MGLL: variants seen among roughly 807,000 people sequenced by gnomAD.
The protein encoded by MGLL is lysophospholipase homolog.
MGLL carries 7 observed loss-of-function variants against 29.1 expected under a neutral mutation model. The ratio of observed to expected loss-of-function variants is 0.24; its 90% CI spans 0.14 to 0.45. MGLL has a LOEUF of 0.45. MGLL is among the 20% of genes least tolerant of loss of function. The pLI is 0.99. For missense variants in MGLL, 356 were observed against 413.6 expected (o/e 0.86, Z 1.21); for synonymous variants, 148 against 168.3 (o/e 0.88, Z 0.93).
chr3:127,798,922 C>G (rs914474004), intron 2 of MGLL, among the ~76,000 whole-genome samples: 1 of 152,094 alleles, frequency 6.6e-6, no homozygotes, highest in Non-Finnish European at 1.5e-5. Context: ...GGAGAGCACC[C>G]GAGGGAAGCT....
At chr3:127,742,505 G>T (rs1348202512) in intron 3 of MGLL, among the ~76,000 whole-genome samples, 1 of 145,956 alleles carries the variant, frequency 6.9e-6, no homozygotes, top group South Asian at 2.2e-4. Context: ...CAGGAGACTC[G>T]CTTGAGCCCA....
At chr3:127,800,448 A>C (rs2077455801) in intron 2 of MGLL, among the ~76,000 whole-genome samples, 1 of 152,214 alleles carries the variant, frequency 6.6e-6, no homozygotes, top group Non-Finnish European at 1.5e-5. Flanking sequence ...AGTTTGGGCA[A>C]GTTGCTGAAC....
chr3:127,817,323 G>A (rs756461106), intron 2 of MGLL, among the ~76,000 whole-genome samples: 18 of 152,194 alleles, frequency 1.2e-4, no homozygotes, highest in South Asian at 6.2e-4. Flanking sequence ...CATCAGCGAG[G>A]GAGGGACAAT....
chr3:127,694,941 CT>C, intron 7 of MGLL, 33 bp downstream of exon 7: 1 of 1,601,634 alleles, frequency 6.2e-7, no homozygotes, highest in South Asian at 1.1e-5. Context: ...CCCCCTCCAC[CT>C]TGGGGGGAAG....
intron 2 of MGLL, among the ~76,000 whole-genome samples, chr3:127,807,551 A>C (rs1174994954): frequency 6.6e-6 from 1 of 151,834 alleles, no homozygotes; most frequent in East Asian, 1.9e-4. Flanking sequence ...TATTAAGGTG[A>C]AAAGATATTT....
chr3:127,716,085 C>T (rs1159188962), intron 5 of MGLL, among the ~76,000 whole-genome samples: 2 of 152,198 alleles, frequency 1.3e-5, no homozygotes, highest in East Asian at 1.9e-4. Context: ...CAGCTCAACC[C>T]AGACCCCAGG....
At chr3:127,726,190 A>AAAGAAAGAAAGAAAGAAAAG (rs1553758469) in intron 3 of MGLL, among the ~76,000 whole-genome samples, 8 of 74,316 alleles carry the variant, frequency 1.1e-4, no homozygotes, top group African/African-American at 1.6e-4. Context: ...GAAAGAAAAG[A>AAAGAAAGAAAGAAAGAAAAG]AAAGAAAGAA....
At chr3:127,743,663 G>A (rs1301908584) in intron 3 of MGLL, among the ~76,000 whole-genome samples, 2 of 150,836 alleles carry the variant, frequency 1.3e-5, no homozygotes, top group African/African-American at 4.9e-5. Context: ...GGCCGGAGAG[G>A]CAATGTGTTA....
chr3:127,703,629 T>C lies in MGLL; in HGVS notation c.600+6947A>G, dbSNP rs960976918. On this transcript the variant is annotated intron_variant, in intron 6 of 7. Transcript: ENST00000265052. The stretch of plus-strand genomic sequence containing the variant: ...AAAACAAGGTATCCACTTCATGACA[T>C]TGGATTTGGCAACAACTTCTTGGAT... 2.6e-5 allele frequency among the ~76,000 whole-genome samples: 4 copies of C among 152,260 alleles called. No individual in the cohort carries two copies. The South Asian group carries it at 6.2e-4, about 24-fold the overall frequency.
At chr3:127,805,891 C>T (rs2077556734) in intron 2 of MGLL, among the ~76,000 whole-genome samples, 1 of 152,204 alleles carries the variant, frequency 6.6e-6, no homozygotes, top group East Asian at 1.9e-4. Context: ...TCGTTTCCTG[C>T]CCCTTTCCAA....
intron 3 of MGLL, among the ~76,000 whole-genome samples, chr3:127,769,601 A>G (rs2076916005): frequency 6.6e-6 from 1 of 152,180 alleles, no homozygotes. Context: ...GGTCTTCTCC[A>G]GGTCCAGGGA....
intron 3 of MGLL, among the ~76,000 whole-genome samples, chr3:127,775,858 C>T (rs1385850720): frequency 6.6e-6 from 1 of 152,220 alleles, no homozygotes; most frequent in Non-Finnish European, 1.5e-5. Flanking sequence ...CGCAGCAGCG[C>T]CTCCTGGGTG....
rs375488233 is a variant in MGLL at position 127,721,135 on chromosome 3, G to A, written c.428C>T (p.Ala143Val). ...GCCGGCGAAGTGGCCCGGCCTCTCT[G>A]CGGCCGTGAGGATGGCGATGGCGCC... ...MGGAIAILTA[A>V]ERPGHFAGMV... The change falls in exon 5 of 8, where the codon GCA (alanine) becomes GTA (valine). Residue 143 changes from alanine to valine, a missense_variant. By Grantham distance (64) the Ala-to-Val change is moderately conservative. Transcript: ENST00000265052. 5 of 1,614,080 alleles carry A rather than the reference G, an allele frequency of 3.1e-6. No individual in the cohort carries two copies. Among genetic ancestry groups the A allele is most frequent in the Admixed American group, 1.7e-5 (1 of 60,002 alleles).
intron 2 of MGLL, among the ~76,000 whole-genome samples, chr3:127,789,358 A>G (rs1296089243): frequency 1.3e-5 from 2 of 152,236 alleles, no homozygotes; most frequent in African/African-American, 2.4e-5. Flanking sequence ...TGGGAACACA[A>G]TGGGAATTAG....
intron 3 of MGLL, among the ~76,000 whole-genome samples, chr3:127,739,206 C>T (rs2076293284): frequency 6.6e-6 from 1 of 152,166 alleles, no homozygotes; most frequent in African/African-American, 2.4e-5. Context: ...AGATCAAATC[C>T]GGATCCACCA....
At chr3:127,795,358 A>G (rs1164802554) in intron 2 of MGLL, among the ~76,000 whole-genome samples, 1 of 151,880 alleles carries the variant, frequency 6.6e-6, no homozygotes, top group African/African-American at 2.4e-5. Flanking sequence ...GTACACATGG[A>G]CATAAAGCTG....
At chr3:127,780,231 T>A (rs1330546299) in intron 3 of MGLL, among the ~76,000 whole-genome samples, 1 of 152,218 alleles carries the variant, frequency 6.6e-6, no homozygotes, top group African/African-American at 2.4e-5. Flanking sequence ...TCCCACAGAT[T>A]TGGCCAAGTT....
chr3:127,765,516 C>T (rs1195054113), intron 3 of MGLL, among the ~76,000 whole-genome samples: 1 of 152,242 alleles, frequency 6.6e-6, no homozygotes, highest in Non-Finnish European at 1.5e-5. Flanking sequence ...AGATGGCACA[C>T]TTGCTGCGGC....
intron 3 of MGLL, among the ~76,000 whole-genome samples, chr3:127,772,769 C>T (rs1462231001): frequency 2.6e-5 from 4 of 152,048 alleles, no homozygotes; most frequent in African/African-American, 7.2e-5. Flanking sequence ...GGAGGTGGGG[C>T]CTTTGGGAGG....
Sources: gnomAD v4.1 joint callset for allele counts (sites outside exome capture counted in the v4.1 genomes callset) on GRCh38, gnomAD v4.1.1 for gene constraint, MANE v1.5 for transcripts, NCBI Gene and HGNC (gene_info 2026-07-23, HGNC 2026-07-21) for gene names.